Variants in CNBD1 observed in about 807,000 individuals in gnomAD.
CNBD1 encodes the protein cyclic nucleotide-binding domain-containing protein 1.
CNBD1 carries 71 observed loss-of-function variants against 54.4 expected under a neutral mutation model. That is an observed-to-expected ratio of 1.30 (90% CI 1.08 to 1.59). The LOEUF (loss-of-function observed/expected upper bound fraction) is 1.59. Among genes scored for constraint, CNBD1 ranks in the 40% most tolerant of loss-of-function variants. The pLI is 0.00. For missense variants in CNBD1, 659 were observed against 518.0 expected (o/e 1.27, Z -2.64); for synonymous variants, 182 against 170.7 (o/e 1.07, Z -0.51).
At chr8:87,410,326 T>C (rs892223066) in intron 2 of CNBD1, among the ~76,000 whole-genome samples, 1 of 152,168 alleles carries the variant, frequency 6.6e-6, no homozygotes, top group African/African-American at 2.4e-5. Context: ...CTCCCATAGA[T>C]AGTGATTCCT....
At chr8:87,179,161 G>C (rs896357621) in intron 4 of CNBD1, among the ~76,000 whole-genome samples, 6 of 151,942 alleles carry the variant, frequency 3.9e-5, no homozygotes, top group Admixed American at 2.0e-4. Flanking sequence ...CACCCGCCTT[G>C]GCCTCCCAAA....
rs1455748792 is a variant in CNBD1 at position 87,422,102 on chromosome 8, A to G, written c.214-6444A>G. Reference sequence around the variant, plus strand: ...TGAGAAGTGTCTGTTCATATCCTTCACCCACTTTTTGATGGGGCTGTTTGT... The same window carrying G: ...TGAGAAGTGTCTGTTCATATCCTTCGCCCACTTTTTGATGGGGCTGTTTGT... On this transcript the variant is annotated intron_variant, in intron 2 of 7. Coordinates refer to the CNBD1 transcript ENST00000521593. 2.1e-5 allele frequency among the ~76,000 whole-genome samples: 3 copies of G among 145,966 alleles called. No individual in the cohort carries two copies. The South Asian group carries it at 6.4e-4, about 31-fold the overall frequency.
chr8:87,210,273 G>C (rs1207804686), intron 5 of CNBD1, among the ~76,000 whole-genome samples: 1 of 152,202 alleles, frequency 6.6e-6, no homozygotes, highest in Non-Finnish European at 1.5e-5. Context: ...AGCAGAGCAT[G>C]AGAGTTTTGA....
chr8:87,006,564 C>T (rs1809101806), intron 4 of CNBD1, among the ~76,000 whole-genome samples: 1 of 152,046 alleles, frequency 6.6e-6, no homozygotes, highest in Non-Finnish European at 1.5e-5. Context: ...TGGGAGTAGG[C>T]ACTCCTCATG....
intron 1 of CNBD1, among the ~76,000 whole-genome samples, chr8:86,879,235 T>C (rs1723040145): frequency 6.6e-6 from 1 of 152,150 alleles, no homozygotes; most frequent in Admixed American, 6.5e-5. Flanking sequence ...ATCCAATCAT[T>C]ATGATAAGTT....
At chr8:86,946,494 A>G (rs1479404119) in intron 4 of CNBD1, among the ~76,000 whole-genome samples, 1 of 152,110 alleles carries the variant, frequency 6.6e-6, no homozygotes, top group Non-Finnish European at 1.5e-5. Context: ...GTATTATTTC[A>G]GCATAGATGT....
At chr8:87,114,090 A>C (rs1811722063) in intron 4 of CNBD1, among the ~76,000 whole-genome samples, 2 of 152,198 alleles carry the variant, frequency 1.3e-5, no homozygotes, top group African/African-American at 4.8e-5. Flanking sequence ...ATATTCAGAG[A>C]AAGTGAGCTA....
At chr8:87,063,734 A>G (rs1810590769) in intron 4 of CNBD1, among the ~76,000 whole-genome samples, 1 of 152,036 alleles carries the variant, frequency 6.6e-6, no homozygotes. Flanking sequence ...GAGTCTTCCA[A>G]TCCAAGTTTA....
intron 3 of CNBD1, 32 bp downstream of exon 3, chr8:86,905,226 A>C (rs1268414431): frequency 8.3e-7 from 1 of 1,198,420 alleles, no homozygotes; most frequent in East Asian, 2.4e-5. Flanking sequence ...AGCAAGGTTG[A>C]TGGGTGTGTA....
chr8:87,270,216 A>G (rs143728071), intron 6 of CNBD1, among the ~76,000 whole-genome samples: 4 of 152,092 alleles, frequency 2.6e-5, no homozygotes, highest in African/African-American at 7.2e-5. Context: ...ACATTTCTTC[A>G]TGTGAAAAAC....
Position 87,351,712 on chromosome 8 carries a change from CT to C in CNBD1, c.1074del (p.Phe358LeufsTer17), listed in dbSNP as rs774996019. 26 of 1,528,706 alleles carry C rather than the reference CT, an allele frequency of 1.7e-5. No homozygotes were observed. Among genetic ancestry groups the C allele is most frequent in the African/African-American group, 2.8e-5 (2 of 70,926 alleles). The allele number at this position is 1,528,706 out of a possible 1,614,324, so 94.7% of individuals were successfully genotyped here. A position where few individuals can be genotyped will look rare whatever the true frequency, so the allele number is the denominator to read the frequency against. Reference sequence around the variant, plus strand: ...ATAGTGGAAAGTGGAAATATAATTTCTTTTGTGGGTTATATTAACTCTGGAT... The same window carrying C: ...ATAGTGGAAAGTGGAAATATAATTTCTTTGTGGGTTATATTAACTCTGGAT... Reference protein sequence around the residue: ...HVIVESGNIISFVGYINSGCC... With the variant: ...HVIVESGNIIXFVGYINSGCC... On this transcript the variant is annotated frameshift_variant, in exon 9 of 11. Coordinates refer to ENST00000518476, the MANE Select transcript of CNBD1 (RefSeq NM_173538.3). LOFTEE classifies it high-confidence loss of function.
chr8:87,097,365 C>T (rs1008330066), intron 4 of CNBD1, among the ~76,000 whole-genome samples: 2 of 152,122 alleles, frequency 1.3e-5, no homozygotes, highest in Non-Finnish European at 2.9e-5. Flanking sequence ...TGCATGAGAT[C>T]ACGTGTCTCC....
intron 5 of CNBD1, among the ~76,000 whole-genome samples, chr8:87,222,733 G>A (rs1437677333): frequency 3.9e-5 from 6 of 152,234 alleles, no homozygotes; most frequent in Admixed American, 6.5e-5. Context: ...GTAATTGGCC[G>A]TTAACCTTTC....
At chr8:87,301,603 C>T (rs893989035) in intron 8 of CNBD1, among the ~76,000 whole-genome samples, 8 of 151,838 alleles carry the variant, frequency 5.3e-5, no homozygotes, top group Non-Finnish European at 7.4e-5. Context: ...AAATGTGATA[C>T]ACCACATAAA....
At chr8:87,394,719 A>G (rs1563585612) in intron 2 of CNBD1, among the ~76,000 whole-genome samples, 1 of 151,970 alleles carries the variant, frequency 6.6e-6, no homozygotes, top group Non-Finnish European at 1.5e-5. Flanking sequence ...AAGAAAACAT[A>G]AACTCTTCTT....
intron 10 of CNBD1, among the ~76,000 whole-genome samples, chr8:87,369,767 G>C (rs1266710599): frequency 1.3e-5 from 2 of 151,640 alleles, no homozygotes; most frequent in Admixed American, 6.6e-5. Flanking sequence ...GGGTACATGT[G>C]CACAATGTGC....
intron 10 of CNBD1, among the ~76,000 whole-genome samples, chr8:87,376,931 A>G (rs780564968): frequency 1.1e-4 from 16 of 151,746 alleles, no homozygotes; most frequent in Non-Finnish European, 2.9e-5. Context: ...CACATGTCTA[A>G]CCACTGTTAG....
downstream of CNBD1, among the ~76,000 whole-genome samples, chr8:87,383,336 C>A (rs905026035): frequency 1.3e-5 from 2 of 152,036 alleles, no homozygotes; most frequent in Non-Finnish European, 2.9e-5. Flanking sequence ...GTGCCATGCC[C>A]ATTTGATAGT....
At chr8:86,890,186 A>G (rs1008671669) in intron 2 of CNBD1, among the ~76,000 whole-genome samples, 15 of 152,000 alleles carry the variant, frequency 9.9e-5, no homozygotes, top group African/African-American at 3.4e-4. Flanking sequence ...AATAGATCTT[A>G]AAATCTTTTT....
Sources: allele counts gnomAD v4.1 joint callset (sites outside exome capture counted in the v4.1 genomes callset), GRCh38; gene constraint gnomAD v4.1.1; transcripts MANE v1.5; gene names NCBI Gene and HGNC (gene_info 2026-07-23, HGNC 2026-07-21).